Variants in ROBO2 observed in about 807,000 individuals in gnomAD.
ROBO2 encodes roundabout guidance receptor 2.
In ROBO2, 53 loss-of-function variants were observed where a neutral mutation model predicts 160.8. That is an observed-to-expected ratio of 0.33 (90% CI 0.26 to 0.41). The LOEUF (loss-of-function observed/expected upper bound fraction) is 0.41. ROBO2 is among the 10% of genes least tolerant of loss of function. The probability of loss-of-function intolerance (pLI) is 1.00; values close to 1 mark genes in which losing one functional copy is unlikely to be tolerated. For missense variants in ROBO2, 1,577 were observed against 1,722.4 expected (o/e 0.92, Z 1.49); for synonymous variants, 664 against 611.7 (o/e 1.09, Z -1.26).
upstream of ROBO2, among the ~76,000 whole-genome samples, chr3:77,037,869 A>T (rs987839613): frequency 2.0e-5 from 3 of 152,202 alleles, no homozygotes; most frequent in African/African-American, 7.2e-5. Context: ...TGATGTGTTA[A>T]TTCCTGCATT....
intron 2 of ROBO2, among the ~76,000 whole-genome samples, chr3:76,872,393 AT>A (rs71104632): frequency 6.6e-6 from 1 of 151,774 alleles, no homozygotes; most frequent in Non-Finnish European, 1.5e-5. Flanking sequence ...TAACACTCAA[AT>A]TTTTTTTGTT....
At chr3:77,481,316 T>C (rs1560958207) in intron 4 of ROBO2, 97 bp downstream of exon 4, 27 of 985,476 alleles carry the variant, frequency 2.7e-5, no homozygotes, top group Non-Finnish European at 3.5e-5. Flanking sequence ...ATAAGGACAG[T>C]TACTCATGAC....
At chr3:75,988,426 C>A (rs1322186359) in intron 2 of ROBO2, among the ~76,000 whole-genome samples, 1 of 151,950 alleles carries the variant, frequency 6.6e-6, no homozygotes, top group Non-Finnish European at 1.5e-5. Flanking sequence ...CTTTTTAAGT[C>A]AATCTAGCTA....
intron 23 of ROBO2, among the ~76,000 whole-genome samples, chr3:77,622,655 A>G (rs752400720): frequency 6.6e-6 from 1 of 152,248 alleles, no homozygotes; most frequent in East Asian, 1.9e-4. Context: ...CTTTAAAGAC[A>G]TGAAAGAAAA....
chr3:76,769,237 A>G (rs1188426754), intron 2 of ROBO2, among the ~76,000 whole-genome samples: 1 of 151,460 alleles, frequency 6.6e-6, no homozygotes, highest in Non-Finnish European at 1.5e-5. Flanking sequence ...TATATGTAGA[A>G]CAACAGTTAT....
At chr3:76,987,580 A>G (rs530490603) in intron 2 of ROBO2, among the ~76,000 whole-genome samples, 169 of 152,298 alleles carry the variant, frequency 1.1e-3, no homozygotes, top group African/African-American at 3.9e-3. Context: ...GCCATCAATA[A>G]TTCATGCACT....
At position 77,144,644 on chromosome 3, in the gene ROBO2, A is replaced by G. The variant is rs566651148; in HGVS notation, c.388+46304A>G. Among the ~76,000 whole-genome samples the G allele has an allele frequency of 2.6e-5, 4 of 152,338 alleles. 1 individual carries two copies. Among genetic ancestry groups the G allele is most frequent in the East Asian group, 1.9e-4 (1 of 5,184 alleles). On this transcript the variant is annotated intron_variant, in intron 2 of 25. Transcript: ENST00000461745. Reference sequence around the variant, plus strand: ...TATTGGATCAACTACATTAACTCACATTGGAAAGGACTCTACTGATGAAAA... The same window carrying G: ...TATTGGATCAACTACATTAACTCACGTTGGAAAGGACTCTACTGATGAAAA...
rs555565468 is a variant in ROBO2, at chr3:76,050,652, C to G, written c.109+113050C>G. The stretch of plus-strand genomic sequence containing the variant: ...TGCCTCTCTTACAGTGTTTATTTCT[C>G]CATCGAGTTCTGCAACGGCTGTGTC... On this transcript the variant is annotated intron_variant, in intron 2 of 26. Coordinates refer to the ROBO2 transcript ENST00000487694. Among the ~76,000 whole-genome samples the G allele has an allele frequency of 6.6e-5, 10 of 152,274 alleles. No individual in the cohort carries two copies. In the East Asian group the frequency reaches 1.9e-3, roughly 29 times the overall value.
chr3:76,352,313 G>A (rs562491324), intron 2 of ROBO2, among the ~76,000 whole-genome samples: 1 of 152,024 alleles, frequency 6.6e-6, no homozygotes, highest in African/African-American at 2.4e-5. Context: ...GTTGGAGTGA[G>A]GCAAGTCAGG....
chr3:76,478,502 C>A (rs187719292), intron 2 of ROBO2, among the ~76,000 whole-genome samples: 1 of 151,818 alleles, frequency 6.6e-6, no homozygotes, highest in Non-Finnish European at 1.5e-5. Flanking sequence ...GAAACTGGAT[C>A]GCTTCCTTAC....
intron 2 of ROBO2, among the ~76,000 whole-genome samples, chr3:76,661,603 A>G (rs551398372): frequency 2.8e-4 from 43 of 152,322 alleles, no homozygotes; most frequent in Non-Finnish European, 5.3e-4. Flanking sequence ...AATACAGGTC[A>G]TAGGTGGACT....
chr3:76,992,350 TA>T (rs1559812119), intron 2 of ROBO2, among the ~76,000 whole-genome samples: 83 of 72,306 alleles, frequency 1.1e-3, no homozygotes, highest in East Asian at 8.4e-3. Flanking sequence ...TATATATATA[TA>T]TATATATATA....
At chr3:76,447,172 A>G (rs2077226003) in intron 2 of ROBO2, among the ~76,000 whole-genome samples, 1 of 152,226 alleles carries the variant, frequency 6.6e-6, no homozygotes, top group Non-Finnish European at 1.5e-5. Context: ...CAGAATCTAC[A>G]ATGAACTCAA....
At chr3:76,862,589 A>G (rs939039768) in intron 2 of ROBO2, among the ~76,000 whole-genome samples, 1 of 152,078 alleles carries the variant, frequency 6.6e-6, no homozygotes, top group Non-Finnish European at 1.5e-5. Context: ...CTGTGTGTTC[A>G]GATTCTCTCT....
intron 2 of ROBO2, among the ~76,000 whole-genome samples, chr3:76,756,864 G>A (rs1287821131): frequency 6.6e-6 from 1 of 151,670 alleles, no homozygotes; most frequent in Non-Finnish European, 1.5e-5. Flanking sequence ...TCTTTAAATT[G>A]CAACAGCAGC....
chr3:77,155,371 A>G (rs1366898378), intron 2 of ROBO2, among the ~76,000 whole-genome samples: 1 of 151,896 alleles, frequency 6.6e-6, no homozygotes, highest in African/African-American at 2.4e-5. Context: ...GTGGAGGGGG[A>G]TAAGGGATCA....
At chr3:77,589,193 CA>C (rs1311871942) in intron 17 of ROBO2, among the ~76,000 whole-genome samples, 1 of 150,000 alleles carries the variant, frequency 6.7e-6, no homozygotes, top group Non-Finnish European at 1.5e-5. Context: ...CTGTTTTTCT[CA>C]ACTAGTTCTT....
intron 2 of ROBO2, among the ~76,000 whole-genome samples, chr3:76,398,631 A>G (rs2077622758): frequency 6.6e-6 from 1 of 151,780 alleles, no homozygotes; most frequent in Non-Finnish European, 1.5e-5. Flanking sequence ...CTAAACTAAT[A>G]TAAATTATAG....
At chr3:77,362,823 C>A (rs1238923160) in intron 2 of ROBO2, among the ~76,000 whole-genome samples, 1 of 152,136 alleles carries the variant, frequency 6.6e-6, no homozygotes, top group Non-Finnish European at 1.5e-5. Context: ...TCACATCTTA[C>A]ATGGTGGCAG....
Sources: allele counts gnomAD v4.1 joint callset (sites outside exome capture counted in the v4.1 genomes callset), GRCh38; gene constraint gnomAD v4.1.1; transcripts MANE v1.5; gene names NCBI Gene and HGNC (gene_info 2026-07-23, HGNC 2026-07-21).